YPEL2: variants seen among roughly 807,000 people sequenced by gnomAD.
The protein encoded by YPEL2 is yippee like 2.
YPEL2 carries 2 observed loss-of-function variants against 19.1 expected under a neutral mutation model. The ratio of observed to expected loss-of-function variants is 0.10; its 90% CI spans 0.04 to 0.33. YPEL2 has a LOEUF of 0.33. Among genes scored for constraint, YPEL2 ranks in the 10% least tolerant of loss-of-function variants. The pLI, the probability that YPEL2 is intolerant of heterozygous loss-of-function variation, is 1.00. For missense variants in YPEL2, 66 were observed against 140.7 expected (o/e 0.47, Z 2.68); for synonymous variants, 52 against 50.0 (o/e 1.04, Z -0.17).
chr17:59,340,084 C>A (rs569817631), intron 1 of YPEL2, among the ~76,000 whole-genome samples: 2 of 151,666 alleles, frequency 1.3e-5, no homozygotes, highest in South Asian at 4.2e-4. Flanking sequence ...GGAAGTCTGA[C>A]TGAGAAACAA....
At position 59,360,616 on chromosome 17, in the gene YPEL2, G is replaced by C. The variant is rs1598036358; in HGVS notation, c.117+7090G>C. ...GCATTGGCTCTTTTGTACTCCTCTA[G>C]AAGTATCTGTTGACCACCCAGGAAG... On this transcript the variant is annotated intron_variant, in intron 2 of 4. Transcript: ENST00000312655. Among the ~76,000 whole-genome samples the C allele has an allele frequency of 4.6e-5, 7 of 152,272 alleles. No homozygotes were observed. The East Asian group carries it at 1.4e-3, about 29-fold the overall frequency.
chr17:59,396,997 C>T (rs973849198), intron 4 of YPEL2, 104 bp from the exon 5 acceptor site: 5 of 787,676 alleles, frequency 6.3e-6, no homozygotes, highest in South Asian at 4.2e-5. Flanking sequence ...CGTCATTGCA[C>T]TCCAGCCTGG....
intron 1 of YPEL2, among the ~76,000 whole-genome samples, chr17:59,337,209 A>G (rs1444294797): frequency 7.3e-6 from 1 of 137,204 alleles, no homozygotes; most frequent in African/African-American, 2.9e-5. Context: ...TTTGTTTGAG[A>G]CGGAGTCTCG....
chr17:59,352,180 GTTAA>G (rs2047790763), intron 1 of YPEL2, among the ~76,000 whole-genome samples: 1 of 152,198 alleles, frequency 6.6e-6, no homozygotes, highest in South Asian at 2.1e-4. Context: ...TGACGCAGGT[GTTAA>G]TTAACACTGC....
chr17:59,374,208 C>T lies in YPEL2; in HGVS notation c.118-14119C>T, dbSNP rs545470311. Among the ~76,000 whole-genome samples, 70 of 152,264 alleles carry T rather than the reference C, an allele frequency of 4.6e-4. 2 individuals carry two copies. In the South Asian group the frequency reaches 0.014, roughly 31 times the overall value. Reference sequence around the variant, plus strand: ...GGAGTGGGTAGTCTGGTTATTCTGACCCAGTTATGTTCCATTTCTAGAGGG... The same window carrying T: ...GGAGTGGGTAGTCTGGTTATTCTGATCCAGTTATGTTCCATTTCTAGAGGG... On this transcript the variant is annotated intron_variant, in intron 2 of 4. Transcript: ENST00000312655.
intron 4 of YPEL2, among the ~76,000 whole-genome samples, chr17:59,393,161 A>T (rs2048016636): frequency 6.6e-6 from 1 of 151,980 alleles, no homozygotes; most frequent in Admixed American, 6.6e-5. Flanking sequence ...TTATTTTTTG[A>T]GACAGGCCCC....
At chr17:59,378,032 G>A (rs1023846883) in intron 2 of YPEL2, among the ~76,000 whole-genome samples, 2 of 152,166 alleles carry the variant, frequency 1.3e-5, no homozygotes, top group African/African-American at 4.8e-5. Context: ...CTGAGGCTCG[G>A]AAGGATGAAG....
intron 1 of YPEL2, among the ~76,000 whole-genome samples, chr17:59,347,517 A>G (rs2047762427): frequency 6.6e-6 from 1 of 152,166 alleles, no homozygotes; most frequent in African/African-American, 2.4e-5. Flanking sequence ...AATAGACAAC[A>G]CTGGCTGGCA....
At position 59,390,810 on chromosome 17, in the gene YPEL2, C is replaced by G. The variant is rs148630756; in HGVS notation, c.270+1342C>G. Among the ~76,000 whole-genome samples the G allele has an allele frequency of 1.7e-3, 254 of 152,286 alleles. 1 individual carries two copies. The highest frequency in any genetic ancestry group is 5.9e-3 in the African/African-American group (246 of 41,566). ...CCTCTAGCTAGTGGTTAAGAACCAT[C>G]TAGGCAGCTAGAGTCAGGTTCAAAT... is the stretch of plus-strand genomic sequence containing the variant. On this transcript the variant is annotated intron_variant, in intron 4 of 4. Transcript: ENST00000312655.
At chr17:59,334,390 T>TGTG (rs536560689) in intron 1 of YPEL2, among the ~76,000 whole-genome samples, 1 of 135,872 alleles carries the variant, frequency 7.4e-6, no homozygotes, top group Admixed American at 7.7e-5. Context: ...TCTTTTTATT[T>TGTG]GGGGGGGGGT....
chr17:59,349,065 T>A (rs545798023), intron 1 of YPEL2, among the ~76,000 whole-genome samples: 12 of 148,824 alleles, frequency 8.1e-5, no homozygotes, highest in Non-Finnish European at 1.5e-4. Flanking sequence ...TCCCAGCTAC[T>A]CGGGAGGCTG....
At chr17:59,376,017 TGGA>T (rs1235662979) in intron 2 of YPEL2, among the ~76,000 whole-genome samples, 1 of 152,214 alleles carries the variant, frequency 6.6e-6, no homozygotes, top group Non-Finnish European at 1.5e-5. Flanking sequence ...TCCTCTGTCT[TGGA>T]GGTTTTATCA....
intron 1 of YPEL2, among the ~76,000 whole-genome samples, chr17:59,346,492 C>T (rs559342107): frequency 1.3e-5 from 2 of 152,042 alleles, no homozygotes; most frequent in African/African-American, 4.8e-5. Context: ...AGTCTCGGGA[C>T]GCAGAGTAAG....
intron 2 of YPEL2, among the ~76,000 whole-genome samples, chr17:59,381,042 T>G (rs2047946536): frequency 6.6e-6 from 1 of 152,206 alleles, no homozygotes; most frequent in Admixed American, 6.5e-5. Flanking sequence ...AGGTAGGGAC[T>G]TTTTACTTTG....
intron 1 of YPEL2, among the ~76,000 whole-genome samples, chr17:59,350,127 T>C (rs998243460): frequency 6.6e-6 from 1 of 151,958 alleles, no homozygotes; most frequent in Non-Finnish European, 1.5e-5. Context: ...TGGAATGCAG[T>C]TGGAGTGAAC....
chr17:59,357,033 A>G (rs1247709175), intron 2 of YPEL2, among the ~76,000 whole-genome samples: 1 of 152,208 alleles, frequency 6.6e-6, no homozygotes, highest in Non-Finnish European at 1.5e-5. Flanking sequence ...GTGATGTGCT[A>G]TCCCAGCAAC....
chr17:59,367,295 G>C (rs1445814156), intron 2 of YPEL2, among the ~76,000 whole-genome samples: 2 of 152,196 alleles, frequency 1.3e-5, no homozygotes, highest in African/African-American at 4.8e-5. Context: ...TCATTCAAAA[G>C]CCAGTTGGTT....
At chr17:59,338,016 GC>G (rs1688173683) in intron 1 of YPEL2, among the ~76,000 whole-genome samples, 1 of 152,184 alleles carries the variant, frequency 6.6e-6, no homozygotes, top group Non-Finnish European at 1.5e-5. Flanking sequence ...ACGAGACAGA[GC>G]AGCATTCTGC....
intron 2 of YPEL2, among the ~76,000 whole-genome samples, chr17:59,363,550 T>C (rs975999014): frequency 1.3e-5 from 2 of 152,070 alleles, no homozygotes; most frequent in African/African-American, 2.4e-5. Context: ...TGACCTCAAG[T>C]GATCCACCTG....
Sources: allele counts gnomAD v4.1 joint callset (sites outside exome capture counted in the v4.1 genomes callset), GRCh38; gene constraint gnomAD v4.1.1; transcripts MANE v1.5; gene names NCBI Gene and HGNC (gene_info 2026-07-23, HGNC 2026-07-21).